The following ALDH4A1 variants were observed in gnomAD, a reference collection of about 807,000 sequenced individuals.
The protein encoded by ALDH4A1 is aldehyde dehydrogenase 4 family member A1.
ALDH4A1 carries 46 observed loss-of-function variants against 70.5 expected under a neutral mutation model. The ratio of observed to expected loss-of-function variants is 0.65; its 90% confidence interval spans 0.51 to 0.83. The LOEUF is 0.83. Among genes scored for constraint, ALDH4A1 ranks in the 40% least tolerant of loss-of-function variants. ALDH4A1 has a pLI of 0.00. For missense variants in ALDH4A1, 749 were observed against 766.5 expected, an observed-to-expected ratio of 0.98 and a Z score of 0.27; for synonymous variants, 323 against 324.3, an observed-to-expected ratio of 1.00 and a Z score of 0.04.
chr1:18,901,147 T>G (rs1935784057), intron 1 of ALDH4A1, among the ~76,000 whole-genome samples: 2 of 152,086 alleles, frequency 1.3e-5, no homozygotes, highest in Non-Finnish European at 2.9e-5. Context: ...AGTCTCAGAG[T>G]GCAGGGAAGG....
chr1:18,878,819 T>C (rs1382544602), intron 9 of ALDH4A1, among the ~76,000 whole-genome samples: 1 of 152,276 alleles, frequency 6.6e-6, no homozygotes, highest in Non-Finnish European at 1.5e-5. Context: ...AACTTTAATA[T>C]GCCAACAAGG....
chr1:18,878,759 C>T (rs985953618), intron 9 of ALDH4A1, among the ~76,000 whole-genome samples: 2 of 152,152 alleles, frequency 1.3e-5, no homozygotes, highest in Non-Finnish European at 2.9e-5. Context: ...TTTGCTTTAA[C>T]ACCACACATG....
At chr1:18,887,894 CCT>C (rs1569773201) in intron 3 of ALDH4A1, among the ~76,000 whole-genome samples, 1 of 152,184 alleles carries the variant, frequency 6.6e-6, no homozygotes, top group African/African-American at 2.4e-5. Flanking sequence ...TTCTTTAACC[CCT>C]GTCTTCCCTT....
chr1:18,886,528 G>A lies in ALDH4A1; in HGVS notation c.250-17C>T, dbSNP rs9426718. 6.5e-3 allele frequency: 10,427 copies of A among 1,613,840 alleles called. 596 individuals carry two copies. In the African/African-American group the frequency reaches 0.12, roughly 19 times the overall value. Reference sequence around the variant, plus strand: ...GTTAAAAGGCTGAAAGGAGAGAAGAGTGAGGTCCTTGCCCGGGAGGGAGGT... The same window carrying A: ...GTTAAAAGGCTGAAAGGAGAGAAGAATGAGGTCCTTGCCCGGGAGGGAGGT... On this transcript the variant is annotated splice_polypyrimidine_tract_variant and intron_variant, in intron 3 of 14. Coordinates refer to ENST00000375341, the MANE Select transcript of ALDH4A1 (RefSeq NM_003748.4).
chr1:18,882,966 TG>T, intron 7 of ALDH4A1, 157 bp downstream of exon 7: 1 of 959,070 alleles, frequency 1.0e-6, no homozygotes, highest in Non-Finnish European at 1.6e-6. Flanking sequence ...ACTGGGTCTC[TG>T]GTCCCAAAGC....
chr1:18,879,463 C>T (rs141822857), intron 8 of ALDH4A1, 90 bp from the exon 9 acceptor site: 10 of 1,199,136 alleles, frequency 8.3e-6, no homozygotes, highest in Non-Finnish European at 1.1e-5. Flanking sequence ...CCGGGGGCAG[C>T]CCAGCAGGAG....
At chr1:18,899,941 G>C (rs1327283320) in intron 1 of ALDH4A1, among the ~76,000 whole-genome samples, 1 of 152,200 alleles carries the variant, frequency 6.6e-6, no homozygotes, top group African/African-American at 2.4e-5. Flanking sequence ...AGGCAGACAA[G>C]TGTATAAAGG....
intron 10 of ALDH4A1, 33 bp from the exon 11 acceptor site, chr1:18,877,288 T>C (rs1406376813): frequency 2.5e-6 from 4 of 1,591,696 alleles, no homozygotes; most frequent in Non-Finnish European, 8.6e-7. Flanking sequence ...AAGAGACGAG[T>C]CACTGCAGGC....
intron 14 of ALDH4A1, 63 bp downstream of exon 14, chr1:18,874,400 A>T: frequency 6.8e-7 from 1 of 1,460,880 alleles, no homozygotes; most frequent in Non-Finnish European, 9.6e-7. Flanking sequence ...GCCCCTCGAG[A>T]CGTAACATCT....
Position 18,902,506 on chromosome 1 carries a change from G to A in ALDH4A1, c.18C>T (p.Pro6=). ...GGGACAGCAGGGCGCGGCGGAGCGCGGGCGCCGGCAGCAGCATCTCGGGTT... is the reference window on the plus strand; with the variant it reads ...GGGACAGCAGGGCGCGGCGGAGCGCAGGCGCCGGCAGCAGCATCTCGGGTT... The part of the protein sequence containing the change: MLLPA[P]ALRRALLSRP... The change falls in exon 1 of 15, where the codon CCC becomes CCT. Residue 6 remains proline (P), a synonymous_variant. Coordinates refer to ENST00000375341, the MANE Select transcript of ALDH4A1 (RefSeq NM_003748.4). The A allele has an allele frequency of 6.8e-7, 1 of 1,480,158 alleles. No individual in the cohort carries two copies. The highest frequency in any genetic ancestry group is 9.0e-7 in the Non-Finnish European group (1 of 1,115,996). The allele number at this position is 1,480,158 out of a possible 1,614,324, so 91.7% of individuals were successfully genotyped here.
chr1:18,892,561 G>T (rs550033569), intron 1 of ALDH4A1, among the ~76,000 whole-genome samples: 75 of 151,838 alleles, frequency 4.9e-4, no homozygotes, highest in African/African-American at 1.4e-3. Context: ...AAGGAGGCGG[G>T]GGGGGGCTGA....
chr1:18,879,428 C>A, intron 8 of ALDH4A1, 55 bp from the exon 9 acceptor site: 1 of 1,508,174 alleles, frequency 6.6e-7, no homozygotes, highest in Admixed American at 1.8e-5. Context: ...AGGAAGGGGG[C>A]GGAAAAGCCC....
In ALDH4A1 at chr1:18,883,141, C is replaced by T. The variant is rs1935050838; in HGVS notation, c.661G>A (p.Gly221Arg). 6.2e-7 allele frequency: 1 copy of T among 1,613,074 alleles called. No homozygotes were observed. Among genetic ancestry groups the T allele is most frequent in the Admixed American group, 1.7e-5 (1 of 60,010 alleles). ...CATCTCACCATCAGGGCCGGTGCCC[C>T]CGCCAGGTTGCCGCCGATTGCAGTG... ...NFTAIGGNLA[G>R]APALMGNVVL... The change falls in exon 7 of 15, where the codon GGG becomes AGG. Residue 221 changes from glycine (G) to arginine (R), a missense_variant. By Grantham distance (125) the Gly-to-Arg change is moderately radical. Transcript: ENST00000375341.
At position 18,902,549 on chromosome 1, in the gene ALDH4A1, C is replaced by G. The variant is rs536547354; in HGVS notation, c.-26G>C. On this transcript the variant is annotated 5_prime_UTR_variant, in exon 1 of 15. Transcript: ENST00000375341. ...CTCGGGTTAGAAGCGGGGCTGTTCG[C>G]TGGATCGTCCGCCCGGGCGCGGCGA... 2 of 1,473,982 alleles carry G rather than the reference C, an allele frequency of 1.4e-6. No individual in the cohort carries two copies. Among genetic ancestry groups the G allele is most frequent in the Non-Finnish European group, 9.0e-7 (1 of 1,111,288 alleles). 91.3% of individuals were successfully genotyped at this position (1,473,982 alleles called of 1,614,324 possible).
chr1:18,877,314 C>T, intron 10 of ALDH4A1, 59 bp from the exon 11 acceptor site: 5 of 1,565,252 alleles, frequency 3.2e-6, no homozygotes, highest in South Asian at 1.2e-5. Context: ...CCAAGGGAGA[C>T]CCCTCCCCGC....
intron 7 of ALDH4A1, among the ~76,000 whole-genome samples, 195 bp from the exon 8 acceptor site, chr1:18,882,082 G>A (rs1212133586): frequency 3.3e-5 from 5 of 152,218 alleles, no homozygotes; most frequent in East Asian, 1.9e-4. Context: ...AGGAGGCCAC[G>A]GCACAGCCCA....
At chr1:18,897,433 C>T (rs61759272) in intron 1 of ALDH4A1, among the ~76,000 whole-genome samples, 2 of 152,238 alleles carry the variant, frequency 1.3e-5, no homozygotes, top group East Asian at 1.9e-4. Context: ...GTCTCAGCTA[C>T]TTAGGAGGCT....
In ALDH4A1 at chr1:18,883,158, A is replaced by G; in HGVS notation, c.644T>C (p.Ile215Thr). ...CGGTGCCCCCGCCAGGTTGCCGCCG[A>G]TTGCAGTGAAGTTAAAGGGCGAGAT... The part of the protein sequence containing the change: ...AAISPFNFTA[I>T]GGNLAGAPAL... Residue 215 changes from isoleucine (I) to threonine (T), a missense_variant, in exon 7 of 15, where the codon ATC (isoleucine) becomes ACC (threonine). By Grantham distance (89) the Ile-to-Thr change is moderately conservative. Coordinates refer to ENST00000375341, the MANE Select transcript of ALDH4A1 (RefSeq NM_003748.4). The G allele has an allele frequency of 6.2e-7, 1 of 1,613,128 alleles. No homozygotes were observed.
chr1:18,885,441 G>GCCCCCCCCCCCCCCCCCCCCCC, intron 5 of ALDH4A1, 32 bp downstream of exon 5: 4 of 423,746 alleles, frequency 9.4e-6, no homozygotes, highest in Non-Finnish European at 1.5e-5. Context: ...ACCCCACCCC[G>GCCCCCCCCCCCCCCCCCCCCCC]CCCCACCCAC....
Sources: allele counts gnomAD v4.1 joint callset (sites outside exome capture counted in the v4.1 genomes callset), GRCh38; gene constraint gnomAD v4.1.1; transcripts MANE v1.5; gene names NCBI Gene and HGNC (gene_info 2026-07-23, HGNC 2026-07-21).